The following DNAH6 variants were observed in gnomAD, a reference collection of about 807,000 sequenced individuals.
The protein encoded by DNAH6 is axonemal beta dynein heavy chain 6.
In DNAH6, 340 loss-of-function variants were observed where a neutral mutation model predicts 491.4. The observed-to-expected ratio is 0.69, with a 90% CI of 0.63 to 0.76. The LOEUF (loss-of-function observed/expected upper bound fraction) is 0.76. Ranked by LOEUF, DNAH6 falls within the 30% of genes least tolerant of loss-of-function variation. DNAH6 has a pLI of 0.00. For synonymous variants in DNAH6, 1,603 were observed against 1,686.1 expected, an observed-to-expected ratio of 0.95 and a Z score of 1.21; for missense variants, 4,443 against 4,972.2, an observed-to-expected ratio of 0.89 and a Z score of 3.20.
chr2:84,754,911 A>G (rs943897811), intron 63 of DNAH6, among the ~76,000 whole-genome samples: 2 of 152,226 alleles, frequency 1.3e-5, no homozygotes, highest in Non-Finnish European at 2.9e-5. Flanking sequence ...CATCTGATCT[A>G]TGAACATGTG....
At chr2:84,459,614 C>A in the DNAH6 span, 1 of 260,320 alleles carries the variant, frequency 3.8e-6, no homozygotes. Flanking sequence ...GAGGGAAGAG[C>A]GGCAGTGAGA....
chr2:84,753,119 A>G (rs1427305627), intron 63 of DNAH6, among the ~76,000 whole-genome samples: 1 of 152,048 alleles, frequency 6.6e-6, no homozygotes, highest in Admixed American at 6.6e-5. Context: ...GTACCTTATG[A>G]CTTTGATTTG....
chr2:84,613,118 A>G (rs13393054), intron 22 of DNAH6, among the ~76,000 whole-genome samples: 15,572 of 151,854 alleles, frequency 0.1, 1,817 homozygotes, highest in African/African-American at 0.29. Flanking sequence ...AAAATAAAGT[A>G]GGGTAAATTG....
chr2:84,689,481 C>T (rs546639247), intron 45 of DNAH6, among the ~76,000 whole-genome samples: 16 of 152,204 alleles, frequency 1.1e-4, no homozygotes, highest in Non-Finnish European at 2.1e-4. Context: ...TATAGTCTCT[C>T]CACTTGTCTC....
In DNAH6 at chr2:84,653,462, A is replaced by G. The variant is rs538947911; in HGVS notation, c.5222A>G (p.Glu1741Gly). The change falls in exon 34 of 77, where the codon GAA (glutamate) becomes GGA (glycine). Residue 1741 changes from glutamate (E) to glycine (G), a missense_variant. By Grantham distance (98) the Glu-to-Gly change is moderately conservative. Around this residue, in one of 3 missense-constraint regions of DNAH6, gnomAD observed 2,977 missense variants for 3,296.6 expected, o/e 0.90. Coordinates refer to ENST00000389394, the MANE Select transcript of DNAH6 (RefSeq NM_001370.2). Reference sequence around the variant, plus strand: ...GTTAGAAAGGTGATACAGTTTTATGAAACTATGCTAGTAAGGCATGGTGTT... The same window carrying G: ...GTTAGAAAGGTGATACAGTTTTATGGAACTATGCTAGTAAGGCATGGTGTT... ...CMVRKVIQFY[E>G]TMLVRHGVML... The G allele has an allele frequency of 6.4e-7, 1 of 1,551,300 alleles. No individual in the cohort carries two copies. Among genetic ancestry groups the G allele is most frequent in the South Asian group, 1.2e-5 (1 of 84,046 alleles).
chr2:84,696,992 A>G (rs1167183072), intron 46 of DNAH6, among the ~76,000 whole-genome samples: 2 of 152,214 alleles, frequency 1.3e-5, no homozygotes, highest in East Asian at 3.8e-4. Context: ...ATATCTCCCA[A>G]ATTAACAAAA....
intron 75 of DNAH6, among the ~76,000 whole-genome samples, 188 bp downstream of exon 75, chr2:84,814,310 G>A (rs1197565904): frequency 6.6e-6 from 1 of 152,144 alleles, no homozygotes; most frequent in Non-Finnish European, 1.5e-5. Flanking sequence ...GCCTAAACTA[G>A]TCTAAGTTAT....
Position 84,621,190 on chromosome 2 carries a change from G to C in DNAH6, c.3793-1G>C. On this transcript the variant is annotated splice_acceptor_variant, in intron 24 of 76. Coordinates refer to ENST00000389394, the MANE Select transcript of DNAH6 (RefSeq NM_001370.2). LOFTEE classifies it high-confidence loss of function. ...TTATCAATGCTCTGATTACCTTTTA[G>C]GTTAGCTTGGGGAAAGGCCTCAAGG... 6.4e-7 allele frequency: 1 copy of C among 1,551,400 alleles called. No individual in the cohort carries two copies. The highest frequency in any genetic ancestry group is 8.7e-7 in the Non-Finnish European group (1 of 1,146,846).
In DNAH6 at chr2:84,620,505, A is replaced by G. The variant is rs557337134; in HGVS notation, c.3792+601A>G. Among the ~76,000 whole-genome samples the G allele has an allele frequency of 7.2e-5, 11 of 152,298 alleles. No individual in the cohort carries two copies. The South Asian group carries it at 2.3e-3, about 32-fold the overall frequency. On this transcript the variant is annotated intron_variant, in intron 24 of 76. Transcript: ENST00000389394. ...GAGCCACACATATGCACACACACAC[A>G]AAGTCAAGTATGATGGAAGGGAGAG... is the stretch of plus-strand genomic sequence containing the variant.
chr2:84,486,243 A>C, the DNAH6 span, among the ~76,000 whole-genome samples: 1 of 152,322 alleles, frequency 6.6e-6, no homozygotes, highest in Non-Finnish European at 1.5e-5. Flanking sequence ...TCTAAAACAC[A>C]TGCTAACATA....
intron 33 of DNAH6, among the ~76,000 whole-genome samples, chr2:84,653,050 A>G (rs1690602501): frequency 1.3e-5 from 2 of 152,124 alleles, no homozygotes; most frequent in African/African-American, 4.8e-5. Flanking sequence ...AAATACAGAA[A>G]GAAACATAAG....
chr2:84,688,729 TAA>T (rs1694544484), intron 45 of DNAH6, 136 bp downstream of exon 45: 5 of 650,288 alleles, frequency 7.7e-6, no homozygotes, highest in Non-Finnish European at 1.2e-5. Flanking sequence ...CACCATAACT[TAA>T]GAGTTATTGT....
Position 84,624,248 on chromosome 2 carries a change from A to G in DNAH6, c.4072-17A>G. Reference sequence around the variant, plus strand: ...TGATATTGGAAAATTCACCATGACAATTTTTTTTATTTGTAGAGATTAAAT... The same window carrying G: ...TGATATTGGAAAATTCACCATGACAGTTTTTTTTATTTGTAGAGATTAAAT... On this transcript the variant is annotated splice_polypyrimidine_tract_variant and intron_variant, in intron 26 of 76. Coordinates refer to ENST00000389394, the MANE Select transcript of DNAH6 (RefSeq NM_001370.2). 1 of 1,526,144 alleles carries G rather than the reference A, an allele frequency of 6.6e-7. No homozygotes were observed. The highest frequency in any genetic ancestry group is 2.5e-5 in the East Asian group (1 of 40,734). 94.5% of individuals were successfully genotyped at this position (1,526,144 alleles called of 1,614,324 possible). A position where few individuals can be genotyped will look rare whatever the true frequency, so the allele number is the denominator to read the frequency against.
intron 67 of DNAH6, among the ~76,000 whole-genome samples, 151 bp downstream of exon 67, chr2:84,785,907 A>G (rs534835628): frequency 1.3e-5 from 2 of 152,186 alleles, no homozygotes; most frequent in South Asian, 2.1e-4. Context: ...TTCAATCTCT[A>G]TACTCCCCTT....
the DNAH6 span, among the ~76,000 whole-genome samples, chr2:84,502,145 A>G: frequency 6.6e-6 from 1 of 151,948 alleles, no homozygotes; most frequent in East Asian, 1.9e-4. Context: ...TTCTTTTTTC[A>G]TGTAGGCACT....
intron 62 of DNAH6, among the ~76,000 whole-genome samples, chr2:84,744,275 G>A (rs1354248243): frequency 6.6e-6 from 1 of 152,164 alleles, no homozygotes; most frequent in Admixed American, 6.5e-5. Flanking sequence ...CAAGAAACCT[G>A]TTTCCTTACT....
At chr2:84,488,842 T>G in the DNAH6 span, among the ~76,000 whole-genome samples, 2 of 152,180 alleles carry the variant, frequency 1.3e-5, no homozygotes, top group African/African-American at 2.4e-5. Flanking sequence ...GGCATTAAAT[T>G]AGTGATGTAG....
At chr2:84,769,685 T>A (rs1290840474) in intron 64 of DNAH6, among the ~76,000 whole-genome samples, 1 of 152,106 alleles carries the variant, frequency 6.6e-6, no homozygotes, top group African/African-American at 2.4e-5. Flanking sequence ...CTAGGAATGC[T>A]CCAGTAGAGA....
At chr2:84,463,814 T>G in the DNAH6 span, among the ~76,000 whole-genome samples, 1 of 152,208 alleles carries the variant, frequency 6.6e-6, no homozygotes, top group Non-Finnish European at 1.5e-5. Context: ...TTTTTTCATT[T>G]GCATTGTTTT....
Sources: allele counts gnomAD v4.1 joint callset (sites outside exome capture counted in the v4.1 genomes callset), GRCh38; gene constraint gnomAD v4.1.1; regional missense constraint gnomAD v4.1.1; transcripts MANE v1.5; gene names NCBI Gene and HGNC (gene_info 2026-07-23, HGNC 2026-07-21).